WWOX: variants seen among roughly 807,000 people sequenced by gnomAD.
The protein encoded by WWOX is WW domain containing oxidoreductase.
Under a neutral mutation model 46.2 loss-of-function variants are expected in WWOX, and 69 were observed. The observed-to-expected ratio is 1.49, with a 90% confidence interval of 1.23 to 1.82. The LOEUF (loss-of-function observed/expected upper bound fraction) is 1.82, where lower values mean the gene tolerates loss of function less well. WWOX is among the 40% of genes most tolerant of loss of function. The probability of loss-of-function intolerance (pLI) is 0.00; values close to 1 mark genes in which losing one functional copy is unlikely to be tolerated. For synonymous variants in WWOX, 359 were observed against 202.6 expected, an observed-to-expected ratio of 1.77 and a Z score of -6.56; for missense variants, 919 against 542.6, an observed-to-expected ratio of 1.69 and a Z score of -6.89.
At chr16:79,017,033 G>C (rs2151381289) in intron 8 of WWOX, 1 of 152,234 alleles carries the variant, frequency 6.6e-6, no homozygotes, top group South Asian at 2.1e-4. Context: ...TAATTAGGAA[G>C]AATAATATGA....
chr16:79,068,041 G>T lies in WWOX; in HGVS notation c.1057-143567G>T, dbSNP rs1351849275. Among the ~76,000 whole-genome samples, 9 of 151,912 alleles carry T rather than the reference G, an allele frequency of 5.9e-5. No individual in the cohort carries two copies. The South Asian group carries it at 8.3e-4, about 14-fold the overall frequency. On this transcript the variant is annotated intron_variant, in intron 8 of 8. Coordinates refer to ENST00000566780, the MANE Select transcript of WWOX (RefSeq NM_016373.4). ...TCTTCCTGCCTTTGCCTTGGCCATGGTCAGTCTTTGGGGCTATTAGCTGCA... is the reference window on the plus strand; with the variant it reads ...TCTTCCTGCCTTTGCCTTGGCCATGTTCAGTCTTTGGGGCTATTAGCTGCA...
chr16:78,791,018 CAAAAAAA>C (rs775592585), intron 8 of WWOX, among the ~76,000 whole-genome samples: 9 of 62,440 alleles, frequency 1.4e-4, no homozygotes, highest in South Asian at 8.1e-4. Context: ...GACCCTGTCT[CAAAAAAA>C]AAAAAAAAAA....
At chr16:78,935,876 C>T (rs2045726741) in intron 8 of WWOX, among the ~76,000 whole-genome samples, 1 of 151,998 alleles carries the variant, frequency 6.6e-6, no homozygotes, top group African/African-American at 2.4e-5. Context: ...CACACCACTG[C>T]ACTTCGGCCT....
intron 5 of WWOX, among the ~76,000 whole-genome samples, chr16:78,267,775 AT>A: frequency 6.6e-6 from 1 of 152,010 alleles, no homozygotes; most frequent in East Asian, 1.9e-4. Context: ...TGATTGATTG[AT>A]TGATTGATTG....
intron 8 of WWOX, among the ~76,000 whole-genome samples, chr16:78,797,937 A>T (rs2737293): frequency 6.6e-6 from 1 of 151,780 alleles, no homozygotes; most frequent in African/African-American, 2.4e-5. Context: ...GTAGTGAGTC[A>T]TGGTCACACC....
chr16:78,798,879 C>G (rs1348696223), intron 8 of WWOX, among the ~76,000 whole-genome samples: 1 of 152,120 alleles, frequency 6.6e-6, no homozygotes, highest in East Asian at 1.9e-4. Flanking sequence ...AGGCAGTGTC[C>G]TTTTCTCCCC....
intron 8 of WWOX, among the ~76,000 whole-genome samples, chr16:78,556,610 C>T (rs2044303212): frequency 6.6e-6 from 1 of 152,180 alleles, no homozygotes; most frequent in Non-Finnish European, 1.5e-5. Context: ...ACCACGACTG[C>T]TGTCTGTGTT....
intron 8 of WWOX, among the ~76,000 whole-genome samples, chr16:78,792,227 C>A (rs2050622551): frequency 6.6e-6 from 1 of 152,170 alleles, no homozygotes; most frequent in African/African-American, 2.4e-5. Flanking sequence ...CCCTGCATTG[C>A]TCTGCTCATC....
chr16:78,894,817 T>C (rs2044666168), intron 8 of WWOX, among the ~76,000 whole-genome samples: 1 of 152,168 alleles, frequency 6.6e-6, no homozygotes, highest in Non-Finnish European at 1.5e-5. Flanking sequence ...CAAGACCGGC[T>C]TCAGTTTTCC....
chr16:79,132,004 A>G (rs551895460), intron 8 of WWOX, among the ~76,000 whole-genome samples: 22 of 152,032 alleles, frequency 1.4e-4, no homozygotes, highest in Non-Finnish European at 2.8e-4. Flanking sequence ...ACCCACCCCC[A>G]TGATTCAGTT....
intron 8 of WWOX, among the ~76,000 whole-genome samples, chr16:78,707,654 G>A (rs138323000): frequency 4.6e-5 from 7 of 152,134 alleles, no homozygotes; most frequent in Non-Finnish European, 1.0e-4. Flanking sequence ...AGACTAAGGC[G>A]GGTGGATCAC....
intron 8 of WWOX, among the ~76,000 whole-genome samples, chr16:78,547,198 C>T (rs1048549858): frequency 6.1e-5 from 9 of 148,412 alleles, no homozygotes; most frequent in Non-Finnish European, 1.0e-4. Context: ...CAGTTTCAAC[C>T]CACGGGGATA....
chr16:78,578,716 A>G (rs989523000), intron 8 of WWOX, among the ~76,000 whole-genome samples: 1 of 152,222 alleles, frequency 6.6e-6, no homozygotes, highest in East Asian at 1.9e-4. Context: ...TTGGAAAAAG[A>G]TCAATATGAT....
intron 8 of WWOX, among the ~76,000 whole-genome samples, chr16:79,005,655 A>G (rs2881549): frequency 0.034 from 5,131 of 152,016 alleles, 271 homozygotes; most frequent in African/African-American, 0.12. Context: ...ATGTCTCTCT[A>G]TGTCTTCAAT....
intron 8 of WWOX, among the ~76,000 whole-genome samples, chr16:78,856,838 C>A (rs1358437546): frequency 6.6e-6 from 1 of 152,074 alleles, no homozygotes; most frequent in Non-Finnish European, 1.5e-5. Context: ...CTGAGAAATG[C>A]TTCGTTAGGC....
chr16:78,588,528 A>T (rs1366401239), intron 8 of WWOX, among the ~76,000 whole-genome samples: 1 of 152,170 alleles, frequency 6.6e-6, no homozygotes, highest in Non-Finnish European at 1.5e-5. Context: ...GGTCATGAAG[A>T]GGAATGAAAT....
intron 8 of WWOX, among the ~76,000 whole-genome samples, chr16:78,707,288 A>T (rs758309178): frequency 2.0e-5 from 3 of 152,228 alleles, no homozygotes; most frequent in Non-Finnish European, 4.4e-5. Context: ...GTTAACGTAC[A>T]TGCAAAAATC....
At chr16:78,825,798 T>A in intron 8 of WWOX, 1 of 595,874 alleles carries the variant, frequency 1.7e-6, no homozygotes, top group Non-Finnish European at 3.1e-6. Context: ...GTGTGCCATG[T>A]GCTGCTCAGA....
rs148739676 is a variant in WWOX, at chr16:78,542,234, A to T, written c.1056+109482A>T. ...TCCGTAAACACTGCCGGATGGATGA[A>T]CCTACGTAATGATCTCCTGGTGCCA... On this transcript the variant is annotated intron_variant, in intron 8 of 8. Transcript: ENST00000566780. Among the ~76,000 whole-genome samples the T allele has an allele frequency of 7.2e-3, 1,091 of 152,080 alleles. 10 individuals carry two copies. The highest frequency in any genetic ancestry group is 0.025 in the African/African-American group (1,033 of 41,480).
Sources: allele counts gnomAD v4.1 joint callset (sites outside exome capture counted in the v4.1 genomes callset), GRCh38; gene constraint gnomAD v4.1.1; transcripts MANE v1.5; gene names NCBI Gene and HGNC (gene_info 2026-07-23, HGNC 2026-07-21).